Variants in FGD3 observed in about 807,000 individuals in gnomAD.
The protein encoded by FGD3 is FYVE, RhoGEF and PH domain-containing protein 3.
A neutral mutation model predicts 71.8 loss-of-function variants in FGD3; 45 were observed. The observed-to-expected ratio is 0.63, with a 90% CI of 0.49 to 0.80. The LOEUF is 0.80. Among genes scored for constraint, FGD3 ranks in the 30% least tolerant of loss-of-function variants. The pLI is 0.00. For synonymous variants in FGD3, 378 were observed against 392.8 expected (o/e 0.96, Z 0.44); for missense variants, 844 against 951.5 (o/e 0.89, Z 1.49).
At chr9:93,008,065 C>T (rs985330593) in intron 6 of FGD3, among the ~76,000 whole-genome samples, 1 of 152,174 alleles carries the variant, frequency 6.6e-6, no homozygotes, top group East Asian at 1.9e-4. Context: ...TTTGAAATAA[C>T]TTTAAACCTT....
chr9:92,972,294 A>T (rs1458573007), intron 1 of FGD3, among the ~76,000 whole-genome samples: 1 of 151,484 alleles, frequency 6.6e-6, no homozygotes, highest in African/African-American at 2.4e-5. Context: ...ACTAAAAAAA[A>T]TACAAAAATT....
intron 1 of FGD3, among the ~76,000 whole-genome samples, chr9:92,951,964 G>A (rs1184868903): frequency 6.6e-6 from 1 of 152,098 alleles, no homozygotes; most frequent in Non-Finnish European, 1.5e-5. Flanking sequence ...GATCTTCAGT[G>A]GCAAAAGGGG....
intron 1 of FGD3, among the ~76,000 whole-genome samples, chr9:92,961,829 G>A (rs1308064322): frequency 6.6e-6 from 1 of 152,206 alleles, no homozygotes; most frequent in Non-Finnish European, 1.5e-5. Flanking sequence ...CCTCTCTGCA[G>A]GGCTGCTTGA....
rs189120671 is a variant in FGD3 at position 93,003,167 on chromosome 9, C to T, written c.543+153C>T. Among the ~76,000 whole-genome samples, 12 of 151,764 alleles carry T rather than the reference C, an allele frequency of 7.9e-5. No individual in the cohort carries two copies. Among genetic ancestry groups the T allele is most frequent in the Non-Finnish European group, 2.9e-5 (2 of 67,988 alleles). Reference sequence around the variant, plus strand: ...TTTTTGAGACAAAGTCTCACTCTGTCACCCAAGCTGGAGTGCAGTGGCGCG... The same window carrying T: ...TTTTTGAGACAAAGTCTCACTCTGTTACCCAAGCTGGAGTGCAGTGGCGCG... On this transcript the variant is annotated intron_variant, in intron 4 of 17. Transcript: ENST00000375482. The surrounding 1 kb of genome is among the most constrained non-coding windows in gnomAD (Gnocchi z 4.1).
chr9:92,968,607 C>CTTTTTTTTTTT (rs55908030), intron 1 of FGD3, among the ~76,000 whole-genome samples: 1 of 143,032 alleles, frequency 7.0e-6, no homozygotes, highest in Non-Finnish European at 1.5e-5. Flanking sequence ...TTCTTTCTTT[C>CTTTTTTTTTTT]TTTTTTTTTT....
At chr9:93,028,995 G>GTTTTTTTTTTTTTT (rs869235976) in intron 14 of FGD3, among the ~76,000 whole-genome samples, 3 of 51,754 alleles carry the variant, frequency 5.8e-5, no homozygotes, top group Non-Finnish European at 7.3e-5. Flanking sequence ...TGTCCTCACA[G>GTTTTTTTTTTTTTT]TTTTTTTTTT....
intron 13 of FGD3, among the ~76,000 whole-genome samples, chr9:93,021,767 T>C (rs1861928367): frequency 6.6e-6 from 1 of 152,180 alleles, no homozygotes; most frequent in Non-Finnish European, 1.5e-5. Flanking sequence ...TTGTATCAAG[T>C]CCGCTAGGTT....
At chr9:93,018,787 G>A (rs1164215505) in intron 11 of FGD3, among the ~76,000 whole-genome samples, 1 of 152,174 alleles carries the variant, frequency 6.6e-6, no homozygotes, top group Non-Finnish European at 1.5e-5. Flanking sequence ...TGAAAATTAA[G>A]CCTCTGCCCA....
In FGD3 at chr9:92,969,711, G is replaced by A. The variant is rs1859467813; in HGVS notation, c.-217-5527G>A. Among the ~76,000 whole-genome samples, 1 of 152,156 alleles carries A rather than the reference G, an allele frequency of 6.6e-6. No individual in the cohort carries two copies. The highest frequency in any genetic ancestry group is 6.5e-5 in the Admixed American group (1 of 15,288). On this transcript the variant is annotated intron_variant, in intron 1 of 17. Coordinates refer to ENST00000375482, the MANE Select transcript of FGD3 (RefSeq NM_001083536.2). The surrounding 1 kb of genome is among the most constrained non-coding windows in gnomAD (Gnocchi z 4.5). Reference sequence around the variant, plus strand: ...GCCTCCCGGGAAGGGACATCTGGTGGCAGATAGAGCTGGGTGGTAGGCAGA... The same window carrying A: ...GCCTCCCGGGAAGGGACATCTGGTGACAGATAGAGCTGGGTGGTAGGCAGA...
chr9:93,023,086 G>A (rs1564168895), intron 14 of FGD3, among the ~76,000 whole-genome samples: 4 of 152,152 alleles, frequency 2.6e-5, no homozygotes, highest in South Asian at 4.1e-4. Context: ...ACTCACCAAC[G>A]CTGACAGCAA....
At position 92,972,955 on chromosome 9, in the gene FGD3, G is replaced by A. The variant is rs949748309; in HGVS notation, c.-217-2283G>A. Among the ~76,000 whole-genome samples, 13 of 152,090 alleles carry A rather than the reference G, an allele frequency of 8.5e-5. 1 individual carries two copies. Among genetic ancestry groups the A allele is most frequent in the South Asian group, 2.1e-4 (1 of 4,822 alleles). On this transcript the variant is annotated intron_variant, in intron 1 of 17. Coordinates refer to ENST00000375482, the MANE Select transcript of FGD3 (RefSeq NM_001083536.2). The stretch of plus-strand genomic sequence containing the variant: ...ATGTGGGCCTTCTTACATTCTCCAC[G>A]TCTCTACTGGATTTTAGAACATAGG...
At chr9:93,032,650 C>T in intron 15 of FGD3, 119 bp from the exon 16 acceptor site, 1 of 914,476 alleles carries the variant, frequency 1.1e-6, no homozygotes, top group Non-Finnish European at 1.8e-6. Flanking sequence ...CCACACGCCA[C>T]ACTGTGTTAA....
rs1860922275 is a variant in FGD3, at chr9:93,003,138, T to A, written c.543+124T>A. The A allele has an allele frequency of 8.6e-6, 8 of 932,248 alleles. No individual in the cohort carries two copies. The highest frequency in any genetic ancestry group is 1.6e-5 in the South Asian group (1 of 61,110). 57.7% of individuals were successfully genotyped at this position (932,248 alleles called of 1,614,324 possible). On this transcript the variant is annotated intron_variant, in intron 4 of 17. Transcript: ENST00000375482. This position sits in a 1 kb window ranked among gnomAD's most constrained non-coding sequence, Gnocchi z 4.1. ...TTTAAGTCTGGTCTACAAACTTTTT[T>A]TTTTTTTTGAGACAAAGTCTCACTC...
At chr9:92,972,432 G>C (rs989229521) in intron 1 of FGD3, among the ~76,000 whole-genome samples, 3 of 139,616 alleles carry the variant, frequency 2.1e-5, no homozygotes, top group Admixed American at 7.6e-5. Context: ...CAGTCTGTGT[G>C]ACAGAGCGAG....
chr9:93,032,544 C>T, intron 15 of FGD3: 1 of 557,426 alleles, frequency 1.8e-6, no homozygotes, highest in Non-Finnish European at 3.2e-6. Flanking sequence ...TCTGGACCCT[C>T]CAGGACAGAA....
intron 11 of FGD3, among the ~76,000 whole-genome samples, chr9:93,018,504 T>TAA (rs1861790721): frequency 1.3e-5 from 2 of 152,110 alleles, no homozygotes; most frequent in Admixed American, 1.3e-4. Context: ...GGAATAAATG[T>TAA]AACAATGTGT....
chr9:92,994,724 A>G (rs1159199855), intron 3 of FGD3, among the ~76,000 whole-genome samples: 1 of 152,208 alleles, frequency 6.6e-6, no homozygotes, highest in East Asian at 1.9e-4. Context: ...CATTTATTAA[A>G]TAGGGAATCC....
At chr9:93,010,449 G>A (rs1861273710) in intron 7 of FGD3, 65 bp downstream of exon 7, 2 of 1,465,388 alleles carry the variant, frequency 1.4e-6, no homozygotes, top group South Asian at 1.3e-5. Flanking sequence ...TGGGGGTGGG[G>A]AGAGAGGGAG....
chr9:92,994,808 G>T (rs935035933), intron 3 of FGD3, among the ~76,000 whole-genome samples: 4 of 152,050 alleles, frequency 2.6e-5, no homozygotes, highest in African/African-American at 9.7e-5. Context: ...ATTTCCGGGG[G>T]CTCTATTCTG....
Sources: allele counts gnomAD v4.1 joint callset (sites outside exome capture counted in the v4.1 genomes callset), GRCh38; gene constraint gnomAD v4.1.1; non-coding constraint Gnocchi (gnomAD v3.1); transcripts MANE v1.5; gene names NCBI Gene and HGNC (gene_info 2026-07-23, HGNC 2026-07-21).